THSD7B: variants seen among roughly 807,000 people sequenced by gnomAD.
The protein encoded by THSD7B is thrombospondin type 1 domain containing 7B.
THSD7B carries 138 observed loss-of-function variants against 213.6 expected under a neutral mutation model. That is an observed-to-expected ratio of 0.65 (90% CI 0.56 to 0.74). The LOEUF (loss-of-function observed/expected upper bound fraction) is 0.74, where lower values mean the gene tolerates loss of function less well. THSD7B is among the 30% of genes least tolerant of loss of function. The probability of loss-of-function intolerance (pLI) is 0.00; values close to 1 mark genes in which losing one functional copy is unlikely to be tolerated. For missense variants in THSD7B, 1,931 were observed against 1,991.5 expected, an observed-to-expected ratio of 0.97 and a Z score of 0.58; for synonymous variants, 742 against 687.0, an observed-to-expected ratio of 1.08 and a Z score of -1.25.
chr2:137,335,386 C>T (rs2104899918), intron 12 of THSD7B, among the ~76,000 whole-genome samples: 1 of 152,310 alleles, frequency 6.6e-6, no homozygotes, highest in South Asian at 2.1e-4. Flanking sequence ...TTTCCTCCTT[C>T]TCATTCCATG....
chr2:137,335,564 T>C (rs1398550754), intron 12 of THSD7B, among the ~76,000 whole-genome samples: 2 of 152,158 alleles, frequency 1.3e-5, no homozygotes, highest in Non-Finnish European at 2.9e-5. Flanking sequence ...TCTAAATAAA[T>C]CAGCAACAGT....
intron 2 of THSD7B, among the ~76,000 whole-genome samples, chr2:136,883,661 G>A (rs1683664321): frequency 6.6e-6 from 1 of 152,170 alleles, no homozygotes; most frequent in African/African-American, 2.4e-5. Flanking sequence ...AAACGAATGA[G>A]ATGTGTTAAG....
At chr2:137,617,463 T>C (rs1682427916) in intron 18 of THSD7B, among the ~76,000 whole-genome samples, 1 of 152,342 alleles carries the variant, frequency 6.6e-6, no homozygotes, top group African/African-American at 2.4e-5. Flanking sequence ...TAGCCAAATC[T>C]GTAAAACTTT....
chr2:136,977,354 G>T (rs569446992), intron 2 of THSD7B, among the ~76,000 whole-genome samples: 30 of 152,196 alleles, frequency 2.0e-4, no homozygotes, highest in African/African-American at 7.0e-4. Flanking sequence ...CTAGCTAGCA[G>T]TCTATTCTTT....
chr2:137,359,455 TG>T (rs755274477), intron 12 of THSD7B, among the ~76,000 whole-genome samples: 3 of 151,982 alleles, frequency 2.0e-5, no homozygotes, highest in Non-Finnish European at 4.4e-5. Context: ...GATGAAACCT[TG>T]GGGGGTGCTA....
chr2:136,922,276 A>G (rs1684449000), intron 2 of THSD7B, among the ~76,000 whole-genome samples: 1 of 152,216 alleles, frequency 6.6e-6, no homozygotes, highest in South Asian at 2.1e-4. Context: ...GTCACACCAT[A>G]TAATTATATA....
At chr2:137,438,101 C>T (rs1687329824) in intron 14 of THSD7B, among the ~76,000 whole-genome samples, 1 of 152,062 alleles carries the variant, frequency 6.6e-6, no homozygotes, top group Non-Finnish European at 1.5e-5. Flanking sequence ...TGTTCCAGAC[C>T]ATCTGATCTA....
At chr2:137,328,437 A>C (rs1243207978) in intron 12 of THSD7B, among the ~76,000 whole-genome samples, 1 of 152,248 alleles carries the variant, frequency 6.6e-6, no homozygotes, top group African/African-American at 2.4e-5. Context: ...TAGGATACTG[A>C]TAATTATCCT....
intron 17 of THSD7B, among the ~76,000 whole-genome samples, chr2:137,586,047 A>G (rs766929446): frequency 4.6e-5 from 7 of 152,112 alleles, no homozygotes; most frequent in Non-Finnish European, 7.3e-5. Flanking sequence ...TATTTAGGAT[A>G]GTTAGCTCTC....
chr2:137,634,952 C>G (rs997213723), intron 20 of THSD7B, among the ~76,000 whole-genome samples: 1 of 152,078 alleles, frequency 6.6e-6, no homozygotes, highest in Non-Finnish European at 1.5e-5. Flanking sequence ...AACCTGTATA[C>G]CACCTCACTG....
intron 5 of THSD7B, among the ~76,000 whole-genome samples, chr2:137,142,272 C>T (rs1679602154): frequency 6.6e-6 from 1 of 152,030 alleles, no homozygotes; most frequent in Non-Finnish European, 1.5e-5. Flanking sequence ...GGCAGAAGGA[C>T]AGAGAGAGAA....
rs1688621466 is a variant in THSD7B at position 137,125,867 on chromosome 2, A to G, written c.1369+10574A>G. Among the ~76,000 whole-genome samples, 4 of 152,212 alleles carry G rather than the reference A, an allele frequency of 2.6e-5. No homozygotes were observed. In the South Asian group the frequency reaches 8.3e-4, roughly 32 times the overall value. ...CAGAAAGGATGTTGTGCTATGAGTC[A>G]TGAAAACATTAATCTCCTTGTACAT... is the stretch of plus-strand genomic sequence containing the variant. On this transcript the variant is annotated intron_variant, in intron 5 of 27. Coordinates refer to ENST00000409968, the MANE Select transcript of THSD7B (RefSeq NM_001316349.2).
chr2:137,660,254 C>T (rs573339334), intron 25 of THSD7B, among the ~76,000 whole-genome samples: 6 of 151,510 alleles, frequency 4.0e-5, no homozygotes, highest in South Asian at 2.1e-4. Context: ...TTTATTTGTG[C>T]TTTTTCTCCT....
intron 27 of THSD7B, 66 bp from the exon 28 acceptor site, chr2:137,676,458 G>GTCTT: frequency 7.2e-7 from 1 of 1,392,530 alleles, no homozygotes; most frequent in East Asian, 2.5e-5. Context: ...TCTCAAAATT[G>GTCTT]TCTTTGGCAG....
At chr2:137,580,183 T>C (rs1306220754) in intron 17 of THSD7B, among the ~76,000 whole-genome samples, 2 of 152,190 alleles carry the variant, frequency 1.3e-5, no homozygotes, top group Non-Finnish European at 2.9e-5. Flanking sequence ...CCAACTAGTT[T>C]CTGGATTCCA....
chr2:137,127,190 AC>A (rs1294916742), intron 5 of THSD7B, among the ~76,000 whole-genome samples: 1 of 152,158 alleles, frequency 6.6e-6, no homozygotes, highest in Non-Finnish European at 1.5e-5. Flanking sequence ...GTTGCCACAG[AC>A]CTTCAATTTG....
chr2:137,501,905 A>G (rs1451702049), intron 15 of THSD7B, among the ~76,000 whole-genome samples: 1 of 152,198 alleles, frequency 6.6e-6, no homozygotes, highest in Non-Finnish European at 1.5e-5. Flanking sequence ...CCTGAATGCA[A>G]CTGGAAGTGC....
intron 2 of THSD7B, among the ~76,000 whole-genome samples, chr2:137,015,740 C>T (rs1193049185): frequency 6.6e-6 from 1 of 152,132 alleles, no homozygotes; most frequent in East Asian, 1.9e-4. Context: ...TCTTTCTAAT[C>T]TTGGGAAACT....
intron 3 of THSD7B, among the ~76,000 whole-genome samples, chr2:137,067,027 T>C (rs530193917): frequency 6.6e-6 from 1 of 152,240 alleles, no homozygotes; most frequent in South Asian, 2.1e-4. Context: ...ATTTCTGTCA[T>C]TTTCTTTTGA....
Sources: gnomAD v4.1 joint callset for allele counts (sites outside exome capture counted in the v4.1 genomes callset) on GRCh38, gnomAD v4.1.1 for gene constraint, MANE v1.5 for transcripts, NCBI Gene and HGNC (gene_info 2026-07-23, HGNC 2026-07-21) for gene names.